Variants in GRID1 observed in about 807,000 individuals in gnomAD.
The protein encoded by GRID1 is glutamate ionotropic receptor delta type subunit 1.
In GRID1, 28 loss-of-function variants were observed where a neutral mutation model predicts 98.0. The observed-to-expected ratio is 0.29, with a 90% CI of 0.21 to 0.39. GRID1 has a LOEUF of 0.39. Ranked by LOEUF, GRID1 falls within the 10% of genes least tolerant of loss-of-function variation. The pLI, the probability that GRID1 is intolerant of heterozygous loss-of-function variation, is 1.00. For synonymous variants in GRID1, 553 were observed against 538.5 expected (o/e 1.03, Z -0.37); for missense variants, 1,111 against 1,340.5 (o/e 0.83, Z 2.67).
Position 86,365,946 on chromosome 10 carries a change from G to A in GRID1, c.79+368C>T, listed in dbSNP as rs560180512. ...CTGCCAACTTGGCGAGCCCCCCGCT[G>A]TACCTCCCCCTGCCCCCCGCTGCTC... On this transcript the variant is annotated intron_variant, in intron 1 of 15. Transcript: ENST00000327946. This position sits in a 1 kb window ranked among gnomAD's most constrained non-coding sequence, Gnocchi z 4.8. Among the ~76,000 whole-genome samples, 1 of 148,042 alleles carries A rather than the reference G, an allele frequency of 6.8e-6. No individual in the cohort carries two copies. The highest frequency in any genetic ancestry group is 2.2e-4 in the South Asian group (1 of 4,630).
intron 3 of GRID1, among the ~76,000 whole-genome samples, chr10:86,197,176 A>G (rs944030336): frequency 6.6e-6 from 1 of 151,648 alleles, no homozygotes; most frequent in African/African-American, 2.4e-5. Context: ...ATTTTTAAAT[A>G]AATTGGAAAG....
intron 2 of GRID1, among the ~76,000 whole-genome samples, chr10:86,346,537 G>A (rs761909377): frequency 5.1e-4 from 78 of 152,348 alleles, no homozygotes; most frequent in Non-Finnish European, 9.7e-4. Flanking sequence ...ACTTCTTAAT[G>A]AGATTAGGCA....
In GRID1 at chr10:86,365,906, C is replaced by A. The variant is rs928809077; in HGVS notation, c.79+408G>T. The stretch of plus-strand genomic sequence containing the variant: ...CATTCACACACGGTTCCGGTCCGGC[C>A]TCTTTGATCTTGCCCTGCCAACTTG... On this transcript the variant is annotated intron_variant, in intron 1 of 15. Transcript: ENST00000327946. This position sits in a 1 kb window ranked among gnomAD's most constrained non-coding sequence, Gnocchi z 4.8. Among the ~76,000 whole-genome samples, 2 of 151,512 alleles carry A rather than the reference C, an allele frequency of 1.3e-5. No individual in the cohort carries two copies. Among genetic ancestry groups the A allele is most frequent in the East Asian group, 4.0e-4 (2 of 5,038 alleles).
intron 4 of GRID1, among the ~76,000 whole-genome samples, chr10:85,996,046 A>G (rs1378752923): frequency 1.3e-5 from 2 of 152,260 alleles, no homozygotes; most frequent in African/African-American, 4.8e-5. Context: ...CTGAGCTGAC[A>G]TTGGTAACAG....
chr10:86,023,454 G>A (rs554825294), intron 4 of GRID1, among the ~76,000 whole-genome samples: 8 of 152,118 alleles, frequency 5.3e-5, no homozygotes, highest in East Asian at 3.9e-4. Flanking sequence ...TGCCCATCCC[G>A]TCTCCACTGG....
intron 4 of GRID1, among the ~76,000 whole-genome samples, chr10:86,089,948 T>C (rs536640172): frequency 6.6e-6 from 1 of 152,240 alleles, no homozygotes; most frequent in East Asian, 1.9e-4. Context: ...AGTTTCGCCA[T>C]GTTGGCCAGG....
At chr10:86,172,730 G>T (rs1000070675) in intron 3 of GRID1, among the ~76,000 whole-genome samples, 2 of 151,954 alleles carry the variant, frequency 1.3e-5, no homozygotes, top group Non-Finnish European at 2.9e-5. Context: ...CTCTCTAGCC[G>T]GCAAGTGATA....
At chr10:85,872,384 G>T (rs1446639721) in intron 5 of GRID1, among the ~76,000 whole-genome samples, 2 of 152,106 alleles carry the variant, frequency 1.3e-5, no homozygotes, top group Non-Finnish European at 2.9e-5. Context: ...CTTGATGGCT[G>T]AGGGCACTGT....
At chr10:85,669,596 A>G (rs1258813174) in intron 12 of GRID1, among the ~76,000 whole-genome samples, 1 of 151,934 alleles carries the variant, frequency 6.6e-6, no homozygotes, top group East Asian at 1.9e-4. Flanking sequence ...TTCCTCTTGA[A>G]TCTCGTTTGA....
chr10:86,149,151 C>T (rs1392594169), intron 3 of GRID1, among the ~76,000 whole-genome samples: 2 of 152,110 alleles, frequency 1.3e-5, no homozygotes, highest in African/African-American at 4.8e-5. Flanking sequence ...TCGGGTGACA[C>T]AATAGAAAAC....
chr10:86,105,687 G>A (rs1251278467), intron 4 of GRID1, among the ~76,000 whole-genome samples: 1 of 152,188 alleles, frequency 6.6e-6, no homozygotes, highest in African/African-American at 2.4e-5. Context: ...CCGGCACTGT[G>A]GAGAGAAAGA....
At position 85,647,295 on chromosome 10, in the gene GRID1, C is replaced by T; in HGVS notation, c.2100G>A (p.Glu700=). 6.2e-7 allele frequency: 1 copy of T among 1,614,240 alleles called. No homozygotes were observed. The highest frequency in any genetic ancestry group is 8.5e-7 in the Non-Finnish European group (1 of 1,180,026). ...YFRAKGTNPL[E]QDSTFAELWR... ...AGAGTTCAGCAAACGTGCTGTCCTG[C>T]TCCAGGGGGTTGGTGCCCTTGGCTC... Residue 700 remains glutamate, a synonymous_variant, in exon 13 of 16, where the codon GAG becomes GAA. Transcript: ENST00000327946.
At chr10:86,130,769 G>A (rs564375394) in intron 4 of GRID1, among the ~76,000 whole-genome samples, 2 of 152,294 alleles carry the variant, frequency 1.3e-5, no homozygotes, top group Non-Finnish European at 2.9e-5. Context: ...AGTACCAAGA[G>A]GGCGCTGAGC....
At chr10:86,038,959 C>T (rs1273060924) in intron 4 of GRID1, among the ~76,000 whole-genome samples, 1 of 152,166 alleles carries the variant, frequency 6.6e-6, no homozygotes, top group Non-Finnish European at 1.5e-5. Flanking sequence ...GCAAACCAAG[C>T]AACAAACAAG....
rs761273849 is a variant in GRID1, at chr10:85,727,937, A to G, written c.1451T>C (p.Ile484Thr). 3.1e-6 allele frequency: 5 copies of G among 1,613,904 alleles called. No homozygotes were observed. The highest frequency in any genetic ancestry group is 3.4e-6 in the Non-Finnish European group (4 of 1,179,876). ...GTACCTGCCATCAGGGGCTTGGTAA[A>G]TCTCATATTTAAAGCCCAGAGCCTT... Reference protein sequence around the residue: ...LAKALGFKYEIYQAPDGRYGH... With the variant: ...LAKALGFKYETYQAPDGRYGH... Residue 484 changes from isoleucine (I) to threonine (T), a missense_variant, in exon 10 of 16, where the codon ATT becomes ACT. Ile to Thr is a moderately conservative substitution (Grantham distance 89). Coordinates refer to ENST00000327946, the MANE Select transcript of GRID1 (RefSeq NM_017551.3).
At chr10:85,959,292 G>A (rs2131848117) in intron 4 of GRID1, among the ~76,000 whole-genome samples, 1 of 152,320 alleles carries the variant, frequency 6.6e-6, no homozygotes, top group East Asian at 1.9e-4. Context: ...CCCTGTCCTG[G>A]CCAAACTGAA....
intron 7 of GRID1, 137 bp downstream of exon 7, chr10:85,855,892 G>A (rs1843105173): frequency 2.8e-6 from 2 of 712,694 alleles, no homozygotes; most frequent in South Asian, 3.5e-5. Context: ...AGAGTGACAA[G>A]GAGAGAGGAA....
At chr10:85,762,623 G>A (rs1842157986) in intron 8 of GRID1, among the ~76,000 whole-genome samples, 1 of 152,156 alleles carries the variant, frequency 6.6e-6, no homozygotes, top group Admixed American at 6.5e-5. Context: ...GCCAGAGAGA[G>A]GGCAAAAGGC....
chr10:85,705,512 C>T (rs547910734), intron 12 of GRID1, among the ~76,000 whole-genome samples: 7 of 152,206 alleles, frequency 4.6e-5, no homozygotes, highest in East Asian at 3.9e-4. Flanking sequence ...GATTCACAGC[C>T]GAATTCTACC....
Sources: allele counts gnomAD v4.1 joint callset (sites outside exome capture counted in the v4.1 genomes callset), GRCh38; gene constraint gnomAD v4.1.1; non-coding constraint Gnocchi (gnomAD v3.1); transcripts MANE v1.5; gene names NCBI Gene and HGNC (gene_info 2026-07-23, HGNC 2026-07-21).